Variants in C3orf49 observed in about 807,000 individuals in gnomAD.
C3orf49 encodes chromosome 3 open reading frame 49.
In C3orf49, 27 loss-of-function variants were observed where a neutral mutation model predicts 13.3. That is an observed-to-expected ratio of 2.02 (90% confidence interval 1.49 to 2.79). C3orf49 has a LOEUF of 2.79. Ranked by LOEUF, C3orf49 falls within the 30% of genes most tolerant of loss-of-function variation. The pLI is 0.00. For missense variants in C3orf49, 242 were observed against 134.2 expected, an observed-to-expected ratio of 1.80 and a Z score of -3.97; for synonymous variants, 87 against 47.6, an observed-to-expected ratio of 1.83 and a Z score of -3.40.
chr3:63,788,114 A>G, the C3orf49 span, among the ~76,000 whole-genome samples: 3 of 152,214 alleles, frequency 2.0e-5, no homozygotes, highest in South Asian at 2.1e-4. Flanking sequence ...GGTTCTTAGC[A>G]TCATTGATAA....
In C3orf49 at chr3:63,843,622, T is replaced by C. The variant is rs951963939; in HGVS notation, c.850-1401T>C. Among the ~76,000 whole-genome samples, 7 of 151,424 alleles carry C rather than the reference T, an allele frequency of 4.6e-5. No individual in the cohort carries two copies. The East Asian group carries it at 8.0e-4, about 17-fold the overall frequency. Reference sequence around the variant, plus strand: ...TGAATGAATTAAAAAAAATGTGGGCTGGGCGTGGTGGCTCACGCCTGTAAT... The same window carrying C: ...TGAATGAATTAAAAAAAATGTGGGCCGGGCGTGGTGGCTCACGCCTGTAAT... On this transcript the variant is annotated intron_variant, in intron 5 of 6. Transcript: ENST00000295896.
At chr3:63,846,678 G>A (rs971120867) in intron 6 of C3orf49, among the ~76,000 whole-genome samples, 3 of 151,966 alleles carry the variant, frequency 2.0e-5, no homozygotes, top group Admixed American at 6.6e-5. Context: ...CCTAAAGTGC[G>A]GGAATTATAG....
chr3:63,843,192 T>G (rs1701805178), intron 5 of C3orf49, among the ~76,000 whole-genome samples: 1 of 151,980 alleles, frequency 6.6e-6, no homozygotes, highest in South Asian at 2.1e-4. Flanking sequence ...GATCTCGGCT[T>G]ACTGCAACCT....
At chr3:63,809,351 T>G in the C3orf49 span, among the ~76,000 whole-genome samples, 1 of 152,190 alleles carries the variant, frequency 6.6e-6, no homozygotes, top group African/African-American at 2.4e-5. Context: ...TAAGACAAAT[T>G]TATGCTGTTT....
chr3:63,820,992 T>C (rs565767111), intron 1 of C3orf49, among the ~76,000 whole-genome samples: 2 of 152,324 alleles, frequency 1.3e-5, no homozygotes, highest in African/African-American at 4.8e-5. Flanking sequence ...AGTTAATGGC[T>C]TTTCCCCACT....
At chr3:63,839,605 C>A (rs781613067) in intron 5 of C3orf49, 6 of 1,524,156 alleles carry the variant, frequency 3.9e-6, no homozygotes, top group East Asian at 4.5e-5. Flanking sequence ...AATATAGGGC[C>A]TAAAATCACA....
At chr3:63,805,556 AG>A in the C3orf49 span, among the ~76,000 whole-genome samples, 3 of 152,350 alleles carry the variant, frequency 2.0e-5, no homozygotes, top group South Asian at 6.2e-4. Flanking sequence ...AACCAGCATA[AG>A]CTTCATGTTC....
At chr3:63,808,257 T>C in the C3orf49 span, among the ~76,000 whole-genome samples, 4 of 152,246 alleles carry the variant, frequency 2.6e-5, no homozygotes, top group African/African-American at 7.2e-5. Context: ...TTCATTCTCA[T>C]AGAAAATGTA....
upstream of C3orf49, among the ~76,000 whole-genome samples, chr3:63,815,092 C>T (rs183621028): frequency 7.2e-5 from 11 of 152,256 alleles, no homozygotes; most frequent in African/African-American, 2.4e-4. Flanking sequence ...CTTGCTATCA[C>T]GAGGACAGTA....
chr3:63,798,396 C>T, the C3orf49 span, among the ~76,000 whole-genome samples: 1 of 152,016 alleles, frequency 6.6e-6, no homozygotes, highest in Non-Finnish European at 1.5e-5. Flanking sequence ...TTCTATTGGC[C>T]TCATATTCCT....
intron 5 of C3orf49, chr3:63,835,289 G>A (rs1701606910): frequency 2.5e-6 from 4 of 1,612,658 alleles, no homozygotes; most frequent in Non-Finnish European, 3.4e-6. Context: ...CAGACAGATA[G>A]ACAGATCATG....
intron 3 of C3orf49, among the ~76,000 whole-genome samples, chr3:63,827,988 T>A (rs1027095345): frequency 2.0e-5 from 3 of 152,212 alleles, no homozygotes; most frequent in African/African-American, 7.2e-5. Flanking sequence ...ACTCTTCAAA[T>A]GTTAGTATAT....
the C3orf49 span, among the ~76,000 whole-genome samples, chr3:63,804,361 C>T: frequency 6.6e-6 from 1 of 152,180 alleles, no homozygotes; most frequent in Non-Finnish European, 1.5e-5. Flanking sequence ...ACATGGCTCA[C>T]AGACACTGCA....
the C3orf49 span, among the ~76,000 whole-genome samples, chr3:63,809,300 T>G: frequency 1 from 151,605 of 152,310 alleles, 75,452 homozygotes; most frequent in Middle Eastern, 1. Context: ...TTTGAGTTCT[T>G]CCCAGTGAGA....
intron 3 of C3orf49, among the ~76,000 whole-genome samples, chr3:63,830,539 C>G (rs1296368164): frequency 6.6e-6 from 1 of 152,104 alleles, no homozygotes; most frequent in East Asian, 1.9e-4. Flanking sequence ...GGCATATTAG[C>G]TGGGAGCCAT....
chr3:63,817,407 G>C (rs1701336727), upstream of C3orf49, among the ~76,000 whole-genome samples: 1 of 152,110 alleles, frequency 6.6e-6, no homozygotes, highest in African/African-American at 2.4e-5. Flanking sequence ...GTTCACTGCA[G>C]TATCCCTGGT....
chr3:63,845,612 T>A (rs1205211705), intron 6 of C3orf49, among the ~76,000 whole-genome samples: 1 of 152,142 alleles, frequency 6.6e-6, no homozygotes, highest in Non-Finnish European at 1.5e-5. Flanking sequence ...ATGTGTGTTC[T>A]TTTTTTCTTA....
intron 1 of C3orf49, among the ~76,000 whole-genome samples, chr3:63,822,217 C>T (rs1291564869): frequency 3.3e-5 from 5 of 152,144 alleles, no homozygotes; most frequent in Admixed American, 1.3e-4. Flanking sequence ...CCTCGTGATC[C>T]GCCTGCTTCG....
intron 1 of C3orf49, among the ~76,000 whole-genome samples, chr3:63,821,458 C>T (rs981952310): frequency 1.3e-5 from 2 of 151,958 alleles, no homozygotes; most frequent in African/African-American, 4.8e-5. Flanking sequence ...GGATTTCACC[C>T]AGAGAAATGA....
Sources: allele counts gnomAD v4.1 joint callset (sites outside exome capture counted in the v4.1 genomes callset), GRCh38; gene constraint gnomAD v4.1.1; transcripts MANE v1.5; gene names NCBI Gene and HGNC (gene_info 2026-07-23, HGNC 2026-07-21).